The following USP6NL variants were observed in gnomAD, a reference collection of about 807,000 sequenced individuals.
USP6NL encodes the protein USP6 N-terminal like.
A neutral mutation model predicts 61.9 loss-of-function variants in USP6NL; 26 were observed. The ratio of observed to expected loss-of-function variants is 0.42; its 90% CI spans 0.31 to 0.58. USP6NL has a LOEUF of 0.58. Among genes scored for constraint, USP6NL ranks in the 20% least tolerant of loss-of-function variants. USP6NL has a pLI of 0.16. For synonymous variants in USP6NL, 432 were observed against 390.1 expected, an observed-to-expected ratio of 1.11 and a Z score of -1.27; for missense variants, 1,114 against 1,034.3, an observed-to-expected ratio of 1.08 and a Z score of -1.06.
At position 11,493,123 on chromosome 10, in the gene USP6NL, C is replaced by T. The variant is rs762776190; in HGVS notation, c.490G>A (p.Val164Ile). The T allele has an allele frequency of 4.4e-6, 7 of 1,604,332 alleles. No individual in the cohort carries two copies. The East Asian group carries it at 1.6e-4, about 36-fold the overall frequency. ...ATAATATTAAACTTTACTCACTTAA[C>T]ACCATATCTGTCTCTAAACATAATG... Reference protein sequence around the residue: ...DHIMFRDRYGVKQQSLFHVLA... With the variant: ...DHIMFRDRYGIKQQSLFHVLA... The change falls in exon 8 of 15, where the codon GTT becomes ATT. Residue 164 changes from valine to isoleucine, a missense_variant. Physicochemically the swap from Val to Ile is conservative, Grantham distance 29. Coordinates refer to ENST00000609104, the MANE Select transcript of USP6NL (RefSeq NM_014688.5).
chr10:11,531,399 T>C (rs980779614), intron 2 of USP6NL, among the ~76,000 whole-genome samples: 5 of 152,162 alleles, frequency 3.3e-5, no homozygotes, highest in African/African-American at 1.2e-4. Flanking sequence ...CTCAGCTCAC[T>C]GCAACCTCCA....
intron 14 of USP6NL, among the ~76,000 whole-genome samples, chr10:11,479,826 C>T (rs1305224294): frequency 1.3e-5 from 2 of 152,134 alleles, no homozygotes; most frequent in African/African-American, 4.8e-5. Flanking sequence ...CTGCCCTCCT[C>T]GGCCTCCTGA....
intron 2 of USP6NL, among the ~76,000 whole-genome samples, chr10:11,582,859 T>C (rs1475926149): frequency 1.3e-5 from 2 of 151,282 alleles, no homozygotes; most frequent in African/African-American, 2.4e-5. Flanking sequence ...TGAGAAATTC[T>C]TAATCTACTG....
Position 11,461,444 on chromosome 10 carries a change from T to C in USP6NL, c.*997A>G, listed in dbSNP as rs878981259. The C allele has an allele frequency of 6.6e-6, 1 of 152,034 alleles. No homozygotes were observed. Among genetic ancestry groups the C allele is most frequent in the Non-Finnish European group, 1.5e-5 (1 of 68,010 alleles). The allele number at this position is 152,034 out of a possible 1,614,324, so 9.4% of individuals were successfully genotyped here. On this transcript the variant is annotated 3_prime_UTR_variant, in exon 15 of 15. Transcript: ENST00000609104. ...ATTCCATAAAGAGGACAGAAATGGA[T>C]TGTATAAATGGCCACCCTGGGACCT...
At position 11,489,910 on chromosome 10, in the gene USP6NL, C is replaced by A. The variant is rs565188204; in HGVS notation, c.544-688G>T. On this transcript the variant is annotated intron_variant, in intron 9 of 14. Coordinates refer to ENST00000609104, the MANE Select transcript of USP6NL (RefSeq NM_014688.5). This position sits in a 1 kb window ranked among gnomAD's most constrained non-coding sequence, Gnocchi z 5.7. ...CTCACAATGAATCTGTGGGTGCAAT[C>A]TGAGCCGCAGTATAACTGGCCAGTA... 6.6e-6 allele frequency among the ~76,000 whole-genome samples: 1 copy of A among 152,220 alleles called. No homozygotes were observed. Among genetic ancestry groups the A allele is most frequent in the Non-Finnish European group, 1.5e-5 (1 of 68,042 alleles).
At chr10:11,493,426 C>T (rs1161151614) in intron 7 of USP6NL, among the ~76,000 whole-genome samples, 198 bp from the exon 8 acceptor site, 12 of 152,142 alleles carry the variant, frequency 7.9e-5, no homozygotes, top group Non-Finnish European at 1.6e-4. Flanking sequence ...TCTCCTACTG[C>T]CTGCTTCTCC....
rs181917779 is a variant in USP6NL, at chr10:11,600,831, G to A, written c.-83-3114C>T. On this transcript the variant is annotated intron_variant, in intron 1 of 14. Coordinates refer to ENST00000609104, the MANE Select transcript of USP6NL (RefSeq NM_014688.5). This position sits in a 1 kb window ranked among gnomAD's most constrained non-coding sequence, Gnocchi z 4.1. The stretch of plus-strand genomic sequence containing the variant: ...AAAAATATAAAAATTAGCTGGGCGT[G>A]GTGGCAGCCGCCTGTAATGCCAGCT... Among the ~76,000 whole-genome samples the A allele has an allele frequency of 6.6e-6, 1 of 152,256 alleles. No homozygotes were observed. The highest frequency in any genetic ancestry group is 1.9e-4 in the East Asian group (1 of 5,180).
At position 11,463,635 on chromosome 10, in the gene USP6NL, T is replaced by C. The variant is rs112125973; in HGVS notation, c.1293A>G (p.Pro431=). 206 of 1,613,990 alleles carry C rather than the reference T, an allele frequency of 1.3e-4. 1 individual carries two copies. In the Middle Eastern group the frequency reaches 2.1e-3, roughly 17 times the overall value. Residue 431 remains proline, a synonymous_variant, in exon 15 of 15, where the codon CCA becomes CCG. Transcript: ENST00000609104. The surrounding 1 kb of genome is among the most constrained non-coding windows in gnomAD (Gnocchi z 6.3). ...RTGTPERAQP[P]RRKSVEEESK... ...TCTCCTCCTCCACCGATTTCCGTCT[T>C]GGCGGCTGTGCTCTCTCGGGCGTCC...
At chr10:11,503,916 C>T (rs902485936) in intron 6 of USP6NL, among the ~76,000 whole-genome samples, 6 of 152,072 alleles carry the variant, frequency 3.9e-5, no homozygotes, top group African/African-American at 9.7e-5. Flanking sequence ...ACAATGACCA[C>T]GGCCCATGGT....
chr10:11,473,663 T>C (rs934479866), intron 14 of USP6NL, among the ~76,000 whole-genome samples: 5 of 152,082 alleles, frequency 3.3e-5, no homozygotes, highest in African/African-American at 1.2e-4. Flanking sequence ...CTGACAGAAC[T>C]CTCATTACCA....
rs1192100406 is a variant in USP6NL, at chr10:11,462,323, G to A, written c.*118C>T. On this transcript the variant is annotated 3_prime_UTR_variant, in exon 15 of 15. Coordinates refer to ENST00000609104, the MANE Select transcript of USP6NL (RefSeq NM_014688.5). ...TTTCCCTGTATTCTTACTACTAACA[G>A]ACAGGAGAGATGTGCGAGTTGTTTA... 31 of 1,188,530 alleles carry A rather than the reference G, an allele frequency of 2.6e-5. No homozygotes were observed. The highest frequency in any genetic ancestry group is 3.6e-5 in the Non-Finnish European group (31 of 868,276). 73.6% of individuals were successfully genotyped at this position (1,188,530 alleles called of 1,614,324 possible).
intron 1 of USP6NL, among the ~76,000 whole-genome samples, chr10:11,605,544 G>A (rs1838679209): frequency 6.6e-6 from 1 of 152,120 alleles, no homozygotes; most frequent in South Asian, 2.1e-4. Flanking sequence ...AAATAAAAGA[G>A]ACCATAAAAA....
chr10:11,605,843 AAAC>A (rs1429122622), intron 1 of USP6NL, among the ~76,000 whole-genome samples: 1 of 152,188 alleles, frequency 6.6e-6, no homozygotes, highest in Non-Finnish European at 1.5e-5. Context: ...AAAAAGATGA[AAAC>A]AACACCACAA....
chr10:11,566,327 A>C (rs528102644), intron 2 of USP6NL, among the ~76,000 whole-genome samples: 3 of 152,222 alleles, frequency 2.0e-5, no homozygotes, highest in Non-Finnish European at 4.4e-5. Flanking sequence ...AAAGGACAAA[A>C]AAATCGGTAC....
intron 2 of USP6NL, among the ~76,000 whole-genome samples, chr10:11,576,077 C>G (rs1013193115): frequency 6.6e-6 from 1 of 150,766 alleles, no homozygotes; most frequent in Non-Finnish European, 1.5e-5. Context: ...AACTCACTCT[C>G]TAACACTTCA....
At chr10:11,492,283 G>A (rs942355209) in intron 8 of USP6NL, among the ~76,000 whole-genome samples, 1 of 152,148 alleles carries the variant, frequency 6.6e-6, no homozygotes, top group African/African-American at 2.4e-5. Context: ...GTTGGCTTTG[G>A]GTGTCAACTT....
At chr10:11,531,215 C>T (rs545412835) in intron 2 of USP6NL, among the ~76,000 whole-genome samples, 1 of 152,230 alleles carries the variant, frequency 6.6e-6, no homozygotes, top group East Asian at 1.9e-4. Context: ...CAAAATATTA[C>T]AGTAATTAAA....
At chr10:11,509,515 T>TA (rs1834605104) in intron 6 of USP6NL, 80 bp downstream of exon 6, 1 of 1,314,330 alleles carries the variant, frequency 7.6e-7, no homozygotes, top group Non-Finnish European at 1.0e-6. Context: ...AACACTCTTA[T>TA]AATTAAAGAA....
In USP6NL at chr10:11,499,817, T is replaced by C. The variant is rs1461073637; in HGVS notation, c.384+1284A>G. ...ACTGTGTGAGAGAGAGTTCTGTTGT[T>C]TTGAGCCGCTTAGTTTGTGGTACTT... On this transcript the variant is annotated intron_variant, in intron 7 of 14. Coordinates refer to ENST00000609104, the MANE Select transcript of USP6NL (RefSeq NM_014688.5). The surrounding 1 kb of genome is among the most constrained non-coding windows in gnomAD (Gnocchi z 4.5). Among the ~76,000 whole-genome samples the C allele has an allele frequency of 2.0e-5, 3 of 152,204 alleles. No individual in the cohort carries two copies. The highest frequency in any genetic ancestry group is 2.1e-4 in the South Asian group (1 of 4,822).
Sources: allele counts gnomAD v4.1 joint callset (sites outside exome capture counted in the v4.1 genomes callset), GRCh38; gene constraint gnomAD v4.1.1; non-coding constraint Gnocchi (gnomAD v3.1); transcripts MANE v1.5; gene names NCBI Gene and HGNC (gene_info 2026-07-23, HGNC 2026-07-21).